Variants in ST7 observed in about 807,000 individuals in gnomAD.
ST7 encodes the protein suppression of tumorigenicity 7.
ST7 carries 28 observed loss-of-function variants against 78.7 expected under a neutral mutation model. The ratio of observed to expected loss-of-function variants is 0.36; its 90% confidence interval spans 0.26 to 0.49. The LOEUF is 0.49. Among genes scored for constraint, ST7 ranks in the 20% least tolerant of loss-of-function variants. The pLI is 0.99. For synonymous variants in ST7, 247 were observed against 249.6 expected, an observed-to-expected ratio of 0.99 and a Z score of 0.10; for missense variants, 418 against 696.0, an observed-to-expected ratio of 0.60 and a Z score of 4.49.
At chr7:117,080,572 C>T (rs1468145594) in intron 1 of ST7, among the ~76,000 whole-genome samples, 1 of 152,034 alleles carries the variant, frequency 6.6e-6, no homozygotes, top group South Asian at 2.1e-4. Context: ...CTATTATTAT[C>T]TCCTTAGGCT....
chr7:117,158,083 C>A (rs1466615707), intron 9 of ST7, among the ~76,000 whole-genome samples: 2 of 152,082 alleles, frequency 1.3e-5, no homozygotes, highest in East Asian at 3.9e-4. Context: ...GAAATTTCCT[C>A]CCTAATAACA....
intron 1 of ST7, among the ~76,000 whole-genome samples, chr7:117,012,340 G>T (rs1354618252): frequency 6.7e-6 from 1 of 148,608 alleles, no homozygotes; most frequent in Non-Finnish European, 1.5e-5. Flanking sequence ...GCAGTATTGT[G>T]TACTGGTTAA....
chr7:117,229,508 G>T (rs1400108670), intron 15 of ST7, among the ~76,000 whole-genome samples: 1 of 152,214 alleles, frequency 6.6e-6, no homozygotes, highest in East Asian at 1.9e-4. Context: ...CCTCAGGACT[G>T]TGGGCCACCT....
Position 117,119,733 on chromosome 7 carries a change from C to T in ST7, c.394+13C>T. 6.2e-7 allele frequency: 1 copy of T among 1,608,820 alleles called. No homozygotes were observed. Among genetic ancestry groups the T allele is most frequent in the Non-Finnish European group, 8.5e-7 (1 of 1,178,906 alleles). On this transcript the variant is annotated intron_variant, in intron 3 of 15. Coordinates refer to ENST00000323984, the MANE Select transcript of ST7 (RefSeq NM_001369598.1). ...CAAAGTGTCTCAGGTATGGAATTTC[C>T]TTCAGTTTGCAATATTATTTGCTTA...
chr7:117,172,196 T>C (rs1354274345), intron 10 of ST7, among the ~76,000 whole-genome samples: 5 of 152,152 alleles, frequency 3.3e-5, no homozygotes, highest in Non-Finnish European at 5.9e-5. Flanking sequence ...CTTCCCACCT[T>C]GGCCCCGCAA....
intron 1 of ST7, 189 bp downstream of exon 1, chr7:116,953,880 G>C (rs1181535328): frequency 1.8e-5 from 3 of 170,948 alleles, no homozygotes; most frequent in Non-Finnish European, 3.4e-5. Flanking sequence ...GCGCGCGGGG[G>C]CGGCCGGTGG....
intron 1 of ST7, among the ~76,000 whole-genome samples, chr7:117,053,285 C>T (rs1455873101): frequency 1.3e-5 from 2 of 152,178 alleles, no homozygotes; most frequent in African/African-American, 4.8e-5. Context: ...AGAACAATTG[C>T]ACTAAAAACC....
intron 2 of ST7, chr7:117,118,060 A>T (rs1289611086): frequency 2.0e-5 from 3 of 152,548 alleles, no homozygotes; most frequent in Non-Finnish European, 4.4e-5. Flanking sequence ...CTGCCCAGAG[A>T]AAATACTTGG....
intron 1 of ST7, among the ~76,000 whole-genome samples, chr7:117,049,121 G>T (rs770759299): frequency 1.3e-5 from 2 of 152,172 alleles, no homozygotes; most frequent in Admixed American, 6.5e-5. Context: ...TCCCTTCAGG[G>T]CTTGGGCATC....
intron 2 of ST7, among the ~76,000 whole-genome samples, chr7:117,118,687 A>T (rs1410145565): frequency 6.6e-6 from 1 of 152,112 alleles, no homozygotes; most frequent in Non-Finnish European, 1.5e-5. Context: ...CCAGTCAGGG[A>T]GGAGAGAAAA....
At chr7:117,068,462 C>A (rs1798754914) in intron 1 of ST7, among the ~76,000 whole-genome samples, 3 of 152,324 alleles carry the variant, frequency 2.0e-5, no homozygotes, top group South Asian at 2.1e-4. Context: ...CACCACCTAT[C>A]TGCAGTATGT....
intron 1 of ST7, among the ~76,000 whole-genome samples, chr7:116,982,543 G>T (rs138405514): frequency 1.6e-4 from 25 of 152,248 alleles, no homozygotes; most frequent in Non-Finnish European, 3.1e-4. Context: ...GTGGGATATA[G>T]CCTATTTTTA....
chr7:117,115,208 C>T (rs1007172289), intron 2 of ST7, among the ~76,000 whole-genome samples: 10 of 152,140 alleles, frequency 6.6e-5, no homozygotes, highest in African/African-American at 2.4e-4. Flanking sequence ...AGATCAGTGT[C>T]ACCCAGTTTT....
intron 1 of ST7, among the ~76,000 whole-genome samples, chr7:117,053,334 T>TA (rs1440727817): frequency 1.3e-5 from 2 of 152,180 alleles, no homozygotes; most frequent in Non-Finnish European, 2.9e-5. Context: ...TCTCAACTCT[T>TA]ACAGTGTTTT....
intron 2 of ST7, among the ~76,000 whole-genome samples, chr7:117,115,210 C>T (rs539750173): frequency 1.3e-5 from 2 of 152,250 alleles, no homozygotes; most frequent in South Asian, 2.1e-4. Flanking sequence ...ATCAGTGTCA[C>T]CCAGTTTTTA....
intron 12 of ST7, 29 bp from the exon 13 acceptor site, chr7:117,209,758 C>T: frequency 1.2e-6 from 2 of 1,605,646 alleles, no homozygotes; most frequent in South Asian, 2.2e-5. Flanking sequence ...TAGGTATTAA[C>T]ACAAGTGTGT....
In ST7 at chr7:117,213,312, A is replaced by G. The variant is rs563170194; in HGVS notation, c.1405+3375A>G. 3.5e-4 allele frequency among the ~76,000 whole-genome samples: 53 copies of G among 152,262 alleles called. No homozygotes were observed. The South Asian group carries it at 0.011, about 30-fold the overall frequency. ...AACTCCCTTCCAACTTCCCTTTTTC[A>G]TTAGAAAGAAAATTCAGGGAAGAAG... On this transcript the variant is annotated intron_variant, in intron 13 of 15. Coordinates refer to ENST00000323984, the MANE Select transcript of ST7 (RefSeq NM_001369598.1).
chr7:117,083,297 C>T (rs1170190296), intron 1 of ST7, among the ~76,000 whole-genome samples: 3 of 151,260 alleles, frequency 2.0e-5, no homozygotes, highest in African/African-American at 4.9e-5. Context: ...TTGCTCTTGA[C>T]GTCATCCAGG....
intron 9 of ST7, among the ~76,000 whole-genome samples, chr7:117,150,309 G>A (rs955470212): frequency 2.0e-5 from 3 of 152,146 alleles, no homozygotes; most frequent in African/African-American, 7.2e-5. Context: ...TATTTTAGGA[G>A]GTAATGTTGT....
Sources: allele counts gnomAD v4.1 joint callset (sites outside exome capture counted in the v4.1 genomes callset), GRCh38; gene constraint gnomAD v4.1.1; transcripts MANE v1.5; gene names NCBI Gene and HGNC (gene_info 2026-07-23, HGNC 2026-07-21).